TSPAN13: variants seen among roughly 807,000 people sequenced by gnomAD.
TSPAN13 encodes the protein tetraspanin-13.
TSPAN13 carries 18 observed loss-of-function variants against 26.9 expected under a neutral mutation model. The observed-to-expected ratio is 0.67, with a 90% confidence interval of 0.46 to 0.99. The LOEUF is 0.99. Ranked by LOEUF, TSPAN13 falls within the 50% of genes least tolerant of loss-of-function variation. The probability of loss-of-function intolerance (pLI) is 0.00; values close to 1 mark genes in which losing one functional copy is unlikely to be tolerated. For synonymous variants in TSPAN13, 116 were observed against 98.4 expected (o/e 1.18, Z -1.06); for missense variants, 201 against 249.6 (o/e 0.81, Z 1.31).
intron 5 of TSPAN13, among the ~76,000 whole-genome samples, chr7:16,780,483 T>A (rs1308919136): frequency 6.6e-6 from 1 of 152,232 alleles, no homozygotes; most frequent in Non-Finnish European, 1.5e-5. Context: ...AGAAAAGAGC[T>A]ATCTGACTTG....
chr7:16,767,798 GT>G (rs1176924000), intron 1 of TSPAN13, among the ~76,000 whole-genome samples: 1 of 152,154 alleles, frequency 6.6e-6, no homozygotes, highest in Non-Finnish European at 1.5e-5. Context: ...CATTTTTCAT[GT>G]GTTGATTGGC....
intron 1 of TSPAN13, among the ~76,000 whole-genome samples, chr7:16,773,486 A>G (rs1000136546): frequency 6.6e-6 from 1 of 152,188 alleles, no homozygotes; most frequent in African/African-American, 2.4e-5. Context: ...GTACAGGGGC[A>G]GAGTTGGGTA....
In TSPAN13 at chr7:16,783,842, A is replaced by G. The variant is rs1562522701; in HGVS notation, c.*351A>G. On this transcript the variant is annotated 3_prime_UTR_variant, in exon 6 of 6. Transcript: ENST00000262067. ...GAATCTGAACGTACATCTCACTGGTATAATTATATGTAGCACTGTGCTGTG... is the reference window on the plus strand; with the variant it reads ...GAATCTGAACGTACATCTCACTGGTGTAATTATATGTAGCACTGTGCTGTG... 3 of 260,680 alleles carry G rather than the reference A, an allele frequency of 1.2e-5. No homozygotes were observed. Among genetic ancestry groups the G allele is most frequent in the Non-Finnish European group, 2.2e-5 (3 of 133,358 alleles). 16.1% of individuals were successfully genotyped at this position (260,680 alleles called of 1,614,324 possible).
rs1583793065 is a variant in TSPAN13, at chr7:16,773,279, C to G, written c.64-2932C>G. Among the ~76,000 whole-genome samples the G allele has an allele frequency of 2.7e-5, 4 of 150,088 alleles. No individual in the cohort carries two copies. The South Asian group carries it at 8.4e-4, about 31-fold the overall frequency. ...AACTACAGCCCACAGCCAGATCCATCTCATTGACTATTTTTGTACAGCCTG... is the reference window on the plus strand; with the variant it reads ...AACTACAGCCCACAGCCAGATCCATGTCATTGACTATTTTTGTACAGCCTG... On this transcript the variant is annotated intron_variant, in intron 1 of 5. Transcript: ENST00000262067.
At position 16,783,615 on chromosome 7, in the gene TSPAN13, G is replaced by T; in HGVS notation, c.*124G>T. The T allele has an allele frequency of 1.5e-5, 12 of 827,348 alleles. No homozygotes were observed. Among genetic ancestry groups the T allele is most frequent in the South Asian group, 5.2e-5 (3 of 57,598 alleles). 51.3% of individuals were successfully genotyped at this position (827,348 alleles called of 1,614,324 possible). A position where few individuals can be genotyped will look rare whatever the true frequency, so the allele number is the denominator to read the frequency against. ...TCTGGAAAAGTACCTTATTGATAGT[G>T]GAATTATATATTTTTACTCTATGTT... On this transcript the variant is annotated 3_prime_UTR_variant, in exon 6 of 6. Coordinates refer to ENST00000262067, the MANE Select transcript of TSPAN13 (RefSeq NM_014399.4).
Position 16,761,810 on chromosome 7 carries a change from C to G in TSPAN13, c.63+7780C>G, listed in dbSNP as rs184586687. ...TTGGCTTCCCAGAGTACTGAGATTACAGATGAGAGCCACTGAACCTGCCTA... is the reference window on the plus strand; with the variant it reads ...TTGGCTTCCCAGAGTACTGAGATTAGAGATGAGAGCCACTGAACCTGCCTA... On this transcript the variant is annotated intron_variant, in intron 1 of 5. Coordinates refer to ENST00000262067, the MANE Select transcript of TSPAN13 (RefSeq NM_014399.4). Among the ~76,000 whole-genome samples the G allele has an allele frequency of 2.0e-3, 291 of 143,430 alleles. 1 individual carries two copies. The highest frequency in any genetic ancestry group is 6.7e-3 in the African/African-American group (260 of 38,740). The allele number at this position is 143,430 out of a possible 152,430, so 94.1% of individuals were successfully genotyped here.
chr7:16,774,066 A>G (rs1233568699), intron 1 of TSPAN13, among the ~76,000 whole-genome samples: 2 of 152,196 alleles, frequency 1.3e-5, no homozygotes, highest in Non-Finnish European at 2.9e-5. Context: ...ATTACCTTCC[A>G]TCATGTGAGT....
rs1270070824 is a variant in TSPAN13, at chr7:16,755,794, ACAT to A, written c.63+1768_63+1770del. On this transcript the variant is annotated intron_variant, in intron 1 of 5. Coordinates refer to ENST00000262067, the MANE Select transcript of TSPAN13 (RefSeq NM_014399.4). Reference sequence around the variant, plus strand: ...TAAAATGAAGTTCCTTGCTTTCTAGACATCATTTTTAGTTGTATTTAGAGTATA... The same window carrying A: ...TAAAATGAAGTTCCTTGCTTTCTAGACATTTTTAGTTGTATTTAGAGTATA... 2.0e-5 allele frequency among the ~76,000 whole-genome samples: 3 copies of A among 152,130 alleles called. No homozygotes were observed. The East Asian group carries it at 5.8e-4, about 29-fold the overall frequency.
chr7:16,772,327 T>G (rs995745300), intron 1 of TSPAN13, among the ~76,000 whole-genome samples: 1 of 152,178 alleles, frequency 6.6e-6, no homozygotes, highest in Non-Finnish European at 1.5e-5. Context: ...TGTTCTGTAT[T>G]TCTTTTCTAG....
chr7:16,762,550 G>C (rs1784554578), intron 1 of TSPAN13, among the ~76,000 whole-genome samples: 2 of 152,202 alleles, frequency 1.3e-5, no homozygotes, highest in South Asian at 4.1e-4. Flanking sequence ...GCATAGAAAT[G>C]ACCTGATCTG....
At chr7:16,760,086 CA>C (rs1396852403) in intron 1 of TSPAN13, among the ~76,000 whole-genome samples, 1 of 152,114 alleles carries the variant, frequency 6.6e-6, no homozygotes, top group African/African-American at 2.4e-5. Context: ...TCAGAGAAGT[CA>C]GGGGTGGACC....
intron 3 of TSPAN13, 103 bp from the exon 4 acceptor site, chr7:16,777,695 A>G: frequency 1.4e-6 from 1 of 731,448 alleles, no homozygotes; most frequent in Non-Finnish European, 2.0e-6. Context: ...GATTTTTAAA[A>G]TAAAAATTAT....
chr7:16,756,527 G>A lies in TSPAN13; in HGVS notation c.63+2497G>A, dbSNP rs570522586. On this transcript the variant is annotated intron_variant, in intron 1 of 5. Transcript: ENST00000262067. Reference sequence around the variant, plus strand: ...TGGCTTGCTGATGAGCCTGAGATTCGTGCCACATTCATGATCAGCTCAGAA... The same window carrying A: ...TGGCTTGCTGATGAGCCTGAGATTCATGCCACATTCATGATCAGCTCAGAA... Among the ~76,000 whole-genome samples the A allele has an allele frequency of 5.6e-4, 86 of 152,294 alleles. 1 individual carries two copies. In the South Asian group the frequency reaches 0.016, roughly 29 times the overall value.
At position 16,753,852 on chromosome 7, in the gene TSPAN13, C is replaced by A. The variant is rs1319871050; in HGVS notation, c.-116C>A. 2 of 1,140,174 alleles carry A rather than the reference C, an allele frequency of 1.8e-6. No individual in the cohort carries two copies. Among genetic ancestry groups the A allele is most frequent in the African/African-American group, 3.1e-5 (2 of 64,236 alleles). 70.6% of individuals were successfully genotyped at this position (1,140,174 alleles called of 1,614,324 possible). A position where few individuals can be genotyped will look rare whatever the true frequency, so the allele number is the denominator to read the frequency against. ...GCCCCAGGCCCCGGCCCCCCACCCACGTCTGCGTTGCTGCCCCGCCTGGGC... is the reference window on the plus strand; with the variant it reads ...GCCCCAGGCCCCGGCCCCCCACCCAAGTCTGCGTTGCTGCCCCGCCTGGGC... On this transcript the variant is annotated 5_prime_UTR_variant, in exon 1 of 6. Coordinates refer to ENST00000262067, the MANE Select transcript of TSPAN13 (RefSeq NM_014399.4).
chr7:16,754,932 T>C (rs1784465548), intron 1 of TSPAN13, among the ~76,000 whole-genome samples: 1 of 152,242 alleles, frequency 6.6e-6, no homozygotes, highest in African/African-American at 2.4e-5. Flanking sequence ...TGGGGCATTA[T>C]CTGCATTTTA....
intron 1 of TSPAN13, among the ~76,000 whole-genome samples, chr7:16,766,268 T>G (rs1784601984): frequency 6.6e-6 from 1 of 152,258 alleles, no homozygotes; most frequent in South Asian, 2.1e-4. Context: ...GAAAATTGAT[T>G]AGCACAAACA....
intron 4 of TSPAN13, among the ~76,000 whole-genome samples, chr7:16,778,299 T>C (rs1784776266): frequency 6.6e-6 from 1 of 152,238 alleles, no homozygotes; most frequent in African/African-American, 2.4e-5. Context: ...TTTGTGAGAT[T>C]ATCTCCTTGT....
intron 1 of TSPAN13, among the ~76,000 whole-genome samples, chr7:16,773,216 A>G (rs1000297476): frequency 4.0e-5 from 6 of 150,852 alleles, no homozygotes; most frequent in Non-Finnish European, 4.4e-5. Flanking sequence ...GTAATTTTTC[A>G]TTCTCTTCTA....
Position 16,759,085 on chromosome 7 carries a change from C to T in TSPAN13, c.63+5055C>T, listed in dbSNP as rs150179086. On this transcript the variant is annotated intron_variant, in intron 1 of 5. Transcript: ENST00000262067. ...ACAAGTTTTATGGAGAAAAATAAAG[C>T]GGAGTAAAAGGAAAGATAGGTGGGG... is the stretch of plus-strand genomic sequence containing the variant. Among the ~76,000 whole-genome samples, 652 of 151,912 alleles carry T rather than the reference C, an allele frequency of 4.3e-3. 3 individuals are homozygous for T. Among genetic ancestry groups the T allele is most frequent in the Middle Eastern group, 0.014 (4 of 294 alleles).
Sources: gnomAD v4.1 joint callset for allele counts (sites outside exome capture counted in the v4.1 genomes callset) on GRCh38, gnomAD v4.1.1 for gene constraint, MANE v1.5 for transcripts, NCBI Gene and HGNC (gene_info 2026-07-23, HGNC 2026-07-21) for gene names.